Variants in CLASRP observed in about 807,000 individuals in gnomAD.
CLASRP encodes CLK4 associating serine/arginine rich protein.
CLASRP carries 52 observed loss-of-function variants against 99.9 expected under a neutral mutation model. That is an observed-to-expected ratio of 0.52 (90% CI 0.42 to 0.66). The LOEUF (loss-of-function observed/expected upper bound fraction) is 0.66. CLASRP is among the 30% of genes least tolerant of loss of function. The pLI, the probability that CLASRP is intolerant of heterozygous loss-of-function variation, is 0.00. For missense variants in CLASRP, 848 were observed against 999.2 expected (o/e 0.85, Z 2.04); for synonymous variants, 379 against 373.0 (o/e 1.02, Z -0.18).
At chr19:45,057,610 G>A (rs1972143743) in intron 6 of CLASRP, 140 bp from the exon 7 acceptor site, 2 of 900,406 alleles carry the variant, frequency 2.2e-6, no homozygotes, top group Non-Finnish European at 3.4e-6. Flanking sequence ...GGAGCTGGGT[G>A]TGGGCAGGAG....
chr19:45,050,195 T>C (rs1363850230), intron 2 of CLASRP, among the ~76,000 whole-genome samples: 1 of 97,704 alleles, frequency 1.0e-5, no homozygotes, highest in Non-Finnish European at 1.9e-5. Flanking sequence ...GGCTGAGTGG[T>C]TGGGAGTGGG....
chr19:45,067,204 T>C lies in CLASRP; in HGVS notation c.1410-133T>C. 9.7e-7 allele frequency: 1 copy of C among 1,036,144 alleles called. No individual in the cohort carries two copies. The highest frequency in any genetic ancestry group is 1.3e-6 in the Non-Finnish European group (1 of 742,958). 64.2% of individuals were successfully genotyped at this position (1,036,144 alleles called of 1,614,324 possible). A position where few individuals can be genotyped will look rare whatever the true frequency, so the allele number is the denominator to read the frequency against. On this transcript the variant is annotated intron_variant, in intron 13 of 20. Transcript: ENST00000221455. The surrounding 1 kb of genome is among the most constrained non-coding windows in gnomAD (Gnocchi z 4.9). ...GCTCTGGGACATTTTGGAGGGAGAG[T>C]AGCAGGAGAGGAGAGTCGAGCCTGT...
chr19:45,044,702 C>G (rs1318905485), intron 2 of CLASRP, among the ~76,000 whole-genome samples: 2 of 152,066 alleles, frequency 1.3e-5, no homozygotes, highest in Non-Finnish European at 2.9e-5. Context: ...GGTGGGGCTA[C>G]AGTGAGCTGT....
intron 5 of CLASRP, among the ~76,000 whole-genome samples, chr19:45,055,697 G>A (rs1468739979): frequency 6.6e-6 from 1 of 152,200 alleles, no homozygotes; most frequent in Non-Finnish European, 1.5e-5. Flanking sequence ...GCCAGGCACG[G>A]TGGCGCCTGC....
At chr19:45,047,188 A>C (rs748491328) in intron 2 of CLASRP, among the ~76,000 whole-genome samples, 1 of 152,194 alleles carries the variant, frequency 6.6e-6, no homozygotes, top group South Asian at 2.1e-4. Flanking sequence ...AATATTATTC[A>C]ATCTTAAAAA....
At chr19:45,054,391 C>T (rs953097081) in intron 5 of CLASRP, among the ~76,000 whole-genome samples, 3 of 152,160 alleles carry the variant, frequency 2.0e-5, no homozygotes, top group Admixed American at 6.6e-5. Flanking sequence ...CTGGGATTAC[C>T]GGCGCATGCC....
intron 2 of CLASRP, among the ~76,000 whole-genome samples, chr19:45,050,684 G>A (rs1457496887): frequency 6.6e-6 from 1 of 151,954 alleles, no homozygotes; most frequent in African/African-American, 2.4e-5. Flanking sequence ...CTATATTCTT[G>A]TCACTACTTG....
At chr19:45,053,630 C>T (rs1972068225) in intron 5 of CLASRP, among the ~76,000 whole-genome samples, 1 of 152,040 alleles carries the variant, frequency 6.6e-6, no homozygotes, top group African/African-American at 2.4e-5. Context: ...AGGTGCCCGC[C>T]ACCACCCCCA....
intron 19 of CLASRP, 42 bp from the exon 20 acceptor site, chr19:45,070,495 C>T: frequency 6.2e-7 from 1 of 1,605,990 alleles, no homozygotes. Flanking sequence ...AGGCCCTGGC[C>T]CTGGATGTTT....
At chr19:45,059,852 AG>A (rs1455568509) in intron 8 of CLASRP, among the ~76,000 whole-genome samples, 1 of 152,066 alleles carries the variant, frequency 6.6e-6, no homozygotes, top group Non-Finnish European at 1.5e-5. Flanking sequence ...AGGAACATCC[AG>A]TGTCCTCACC....
At chr19:45,044,126 C>A (rs1332216446) in intron 2 of CLASRP, among the ~76,000 whole-genome samples, 3 of 152,234 alleles carry the variant, frequency 2.0e-5, no homozygotes, top group South Asian at 2.1e-4. Flanking sequence ...AAGTGATCCG[C>A]CTGCCTTGGC....
rs1967104722 is a variant in CLASRP, at chr19:45,067,168, G to A, written c.1410-169G>A. On this transcript the variant is annotated intron_variant, in intron 13 of 20. Coordinates refer to ENST00000221455, the MANE Select transcript of CLASRP (RefSeq NM_007056.3). The surrounding 1 kb of genome is among the most constrained non-coding windows in gnomAD (Gnocchi z 4.9). ...GCGCCATCTCTGTAGCCGGAGGGAG[G>A]CCGGAATGCCGCTCTGGGACATTTT... is the stretch of plus-strand genomic sequence containing the variant. Among the ~76,000 whole-genome samples the A allele has an allele frequency of 6.6e-6, 1 of 152,204 alleles. No homozygotes were observed. Among genetic ancestry groups the A allele is most frequent in the Non-Finnish European group, 1.5e-5 (1 of 68,032 alleles).
At chr19:45,052,743 C>T (rs1156894227) in intron 3 of CLASRP, 48 bp from the exon 4 acceptor site, 3 of 1,376,350 alleles carry the variant, frequency 2.2e-6, no homozygotes, top group African/African-American at 1.4e-5. Flanking sequence ...GTGTCCTGGG[C>T]AGTATGGACC....
intron 2 of CLASRP, among the ~76,000 whole-genome samples, chr19:45,047,781 C>T (rs1971949476): frequency 6.6e-6 from 1 of 152,028 alleles, no homozygotes; most frequent in Admixed American, 6.6e-5. Flanking sequence ...TGTTTTCTAC[C>T]ACAATAAAAA....
chr19:45,065,010 G>A (rs1967051351), intron 13 of CLASRP, among the ~76,000 whole-genome samples: 1 of 152,024 alleles, frequency 6.6e-6, no homozygotes, highest in African/African-American at 2.4e-5. Context: ...TCCGGGCCTT[G>A]AGGGCTGGGA....
chr19:45,066,592 TCC>T (rs1455646031), intron 13 of CLASRP, among the ~76,000 whole-genome samples: 3 of 119,706 alleles, frequency 2.5e-5, no homozygotes, highest in Non-Finnish European at 4.8e-5. Flanking sequence ...ACCACTGCAC[TCC>T]AGCCTGGGCG....
chr19:45,066,716 C>G (rs1967095547), intron 13 of CLASRP, among the ~76,000 whole-genome samples: 1 of 151,624 alleles, frequency 6.6e-6, no homozygotes, highest in Non-Finnish European at 1.5e-5. Flanking sequence ...GTAGCTTACC[C>G]AGAGCAATGA....
Position 45,064,510 on chromosome 19 carries a change from G to C in CLASRP, c.1289G>C (p.Arg430Pro). 2 of 1,537,056 alleles carry C rather than the reference G, an allele frequency of 1.3e-6. No individual in the cohort carries two copies. The highest frequency in any genetic ancestry group is 1.7e-6 in the Non-Finnish European group (2 of 1,146,094). Residue 430 changes from arginine (R) to proline (P), a missense_variant, in exon 13 of 21, where the codon CGG (arginine) becomes CCG (proline). Transcript: ENST00000221455. ...TGGTCCCGCTCCCGCTCCCGCTCCC[G>C]GCGCTATTCCCGGTCCCGTAGCCGT... is the stretch of plus-strand genomic sequence containing the variant. ...RSWSRSRSRS[R>P]RYSRSRSRGR...
At chr19:45,066,897 G>A (rs1177911739) in intron 13 of CLASRP, among the ~76,000 whole-genome samples, 1 of 152,138 alleles carries the variant, frequency 6.6e-6, no homozygotes, top group Non-Finnish European at 1.5e-5. Context: ...AGGACAAGGG[G>A]TGGTCCCCAC....
Sources: gnomAD v4.1 joint callset for allele counts (sites outside exome capture counted in the v4.1 genomes callset) on GRCh38, gnomAD v4.1.1 for gene constraint, Gnocchi (gnomAD v3.1) non-coding constraint, MANE v1.5 for transcripts, NCBI Gene and HGNC (gene_info 2026-07-23, HGNC 2026-07-21) for gene names.